CNTNAP2: variants seen among roughly 807,000 people sequenced by gnomAD.
CNTNAP2 encodes contactin-associated protein-like 2.
A neutral mutation model predicts 155.2 loss-of-function variants in CNTNAP2; 98 were observed. The ratio of observed to expected loss-of-function variants is 0.63; its 90% CI spans 0.54 to 0.75. CNTNAP2 has a LOEUF of 0.75. Among genes scored for constraint, CNTNAP2 ranks in the 30% least tolerant of loss-of-function variants. The probability of loss-of-function intolerance (pLI) is 0.00; values close to 1 mark genes in which losing one functional copy is unlikely to be tolerated. For synonymous variants in CNTNAP2, 651 were observed against 631.2 expected (o/e 1.03, Z -0.47); for missense variants, 1,727 against 1,688.1 (o/e 1.02, Z -0.40).
At chr7:147,246,479 T>C (rs1584817182) in intron 8 of CNTNAP2, among the ~76,000 whole-genome samples, 1 of 152,248 alleles carries the variant, frequency 6.6e-6, no homozygotes, top group East Asian at 1.9e-4. Flanking sequence ...TCTGGTGAGG[T>C]CCCATTTCTT....
chr7:146,198,746 A>G (rs1370662930), intron 1 of CNTNAP2, among the ~76,000 whole-genome samples: 2 of 152,138 alleles, frequency 1.3e-5, no homozygotes, highest in Admixed American at 6.5e-5. Context: ...TACAGTGCCA[A>G]TAAGAAGAAA....
chr7:146,246,037 G>T (rs1799643592), intron 1 of CNTNAP2, among the ~76,000 whole-genome samples: 2 of 151,620 alleles, frequency 1.3e-5, no homozygotes, highest in Admixed American at 6.6e-5. Context: ...TGGGGGAATT[G>T]TAAGGAGAGT....
At chr7:147,467,383 A>G (rs1402453075) in intron 10 of CNTNAP2, among the ~76,000 whole-genome samples, 1 of 152,246 alleles carries the variant, frequency 6.6e-6, no homozygotes, top group East Asian at 1.9e-4. Context: ...CACTTCCTTT[A>G]AATCATTTCA....
intron 11 of CNTNAP2, among the ~76,000 whole-genome samples, chr7:147,549,247 T>C (rs1799804456): frequency 6.6e-6 from 1 of 152,204 alleles, no homozygotes; most frequent in African/African-American, 2.4e-5. Context: ...GAAATGTTTT[T>C]CCATTTGTTG....
intron 3 of CNTNAP2, among the ~76,000 whole-genome samples, chr7:146,853,622 C>A (rs1794923897): frequency 6.6e-6 from 1 of 152,104 alleles, no homozygotes; most frequent in Non-Finnish European, 1.5e-5. Context: ...TAACAAGATC[C>A]TGAGAGGTAA....
chr7:146,467,290 C>CA (rs1339806772), intron 1 of CNTNAP2, among the ~76,000 whole-genome samples: 2 of 152,174 alleles, frequency 1.3e-5, no homozygotes, highest in African/African-American at 4.8e-5. Context: ...AAAACTAATA[C>CA]AAAAACCAAG....
At chr7:148,043,186 C>T (rs1484812391) in intron 15 of CNTNAP2, among the ~76,000 whole-genome samples, 1 of 152,164 alleles carries the variant, frequency 6.6e-6, no homozygotes, top group Non-Finnish European at 1.5e-5. Context: ...AAATATGTTG[C>T]TAAACCACTT....
At chr7:146,526,905 A>C (rs1797698959) in intron 1 of CNTNAP2, among the ~76,000 whole-genome samples, 1 of 151,142 alleles carries the variant, frequency 6.6e-6, no homozygotes, top group African/African-American at 2.5e-5. Flanking sequence ...CAGTGGATTT[A>C]AAACTTTTTA....
chr7:147,220,675 G>A (rs765735504), intron 8 of CNTNAP2, among the ~76,000 whole-genome samples: 16 of 151,792 alleles, frequency 1.1e-4, no homozygotes, highest in South Asian at 2.1e-4. Flanking sequence ...GTATGATTAC[G>A]TGTTCTCTCC....
rs751361467 is a variant in CNTNAP2 at position 147,981,613 on chromosome 7, G to GC, written c.2383+3627dup. Reference sequence around the variant, plus strand: ...GAATGAAACCATTTTTGTGGGCTCTGCCCAACCATTTCAGCAGTTTTGGTT... The same window carrying GC: ...GAATGAAACCATTTTTGTGGGCTCTGCCCCAACCATTTCAGCAGTTTTGGTT... On this transcript the variant is annotated intron_variant, in intron 15 of 23. Coordinates refer to ENST00000361727, the MANE Select transcript of CNTNAP2 (RefSeq NM_014141.6). Among the ~76,000 whole-genome samples, 23 of 152,288 alleles carry GC rather than the reference G, an allele frequency of 1.5e-4. No individual in the cohort carries two copies. The South Asian group carries it at 4.1e-3, about 27-fold the overall frequency.
chr7:146,672,656 A>G (rs565109428), intron 1 of CNTNAP2, among the ~76,000 whole-genome samples: 1 of 152,306 alleles, frequency 6.6e-6, no homozygotes, highest in South Asian at 2.1e-4. Flanking sequence ...ACTCAAATGG[A>G]TTACAAGATC....
intron 13 of CNTNAP2, among the ~76,000 whole-genome samples, chr7:147,824,958 G>A (rs2116626875): frequency 6.6e-6 from 1 of 152,114 alleles, no homozygotes; most frequent in African/African-American, 2.4e-5. Context: ...AGGAAGTAGT[G>A]GACTCAAGTA....
intron 9 of CNTNAP2, among the ~76,000 whole-genome samples, chr7:147,366,016 C>A (rs1584902493): frequency 6.6e-6 from 1 of 152,040 alleles, no homozygotes; most frequent in African/African-American, 2.4e-5. Context: ...TGTGTGAATT[C>A]TTTGAAGTCT....
chr7:147,640,906 T>G (rs1312157218), intron 13 of CNTNAP2, among the ~76,000 whole-genome samples: 2 of 152,146 alleles, frequency 1.3e-5, no homozygotes, highest in Non-Finnish European at 2.9e-5. Flanking sequence ...ACCGGGCACG[T>G]TATTCACGTA....
At chr7:148,301,036 C>A (rs1300153414) in intron 21 of CNTNAP2, among the ~76,000 whole-genome samples, 1 of 152,112 alleles carries the variant, frequency 6.6e-6, no homozygotes, top group African/African-American at 2.4e-5. Context: ...TGGCTCACAC[C>A]TGTAATCCCA....
At chr7:148,363,407 T>G (rs1336191807) in intron 21 of CNTNAP2, among the ~76,000 whole-genome samples, 1 of 152,256 alleles carries the variant, frequency 6.6e-6, no homozygotes, top group Non-Finnish European at 1.5e-5. Context: ...AAATGCACTT[T>G]TATTCTGACA....
intron 3 of CNTNAP2, among the ~76,000 whole-genome samples, chr7:146,994,818 C>T (rs1328727713): frequency 1.3e-5 from 2 of 152,006 alleles, no homozygotes; most frequent in Non-Finnish European, 2.9e-5. Context: ...TTTTGGTGAA[C>T]AAATACATTA....
chr7:147,735,442 C>T (rs1354698256), intron 13 of CNTNAP2, among the ~76,000 whole-genome samples: 24 of 152,206 alleles, frequency 1.6e-4, no homozygotes, highest in Non-Finnish European at 3.4e-4. Context: ...TTACTTCCAA[C>T]TATGTGGTCA....
chr7:147,917,288 T>A (rs1800177413), intron 14 of CNTNAP2, among the ~76,000 whole-genome samples: 1 of 152,222 alleles, frequency 6.6e-6, no homozygotes, highest in African/African-American at 2.4e-5. Flanking sequence ...TTCTAATGTG[T>A]AGCCAAGGTT....
Sources: gnomAD v4.1 joint callset for allele counts (sites outside exome capture counted in the v4.1 genomes callset) on GRCh38, gnomAD v4.1.1 for gene constraint, MANE v1.5 for transcripts, NCBI Gene and HGNC (gene_info 2026-07-23, HGNC 2026-07-21) for gene names.